Variants in MTMR7 observed in about 807,000 individuals in gnomAD.
MTMR7 encodes phosphatidylinositol-3-phosphate phosphatase MTMR7.
A neutral mutation model predicts 81.2 loss-of-function variants in MTMR7; 76 were observed. The observed-to-expected ratio is 0.94, with a 90% CI of 0.78 to 1.13. The LOEUF is 1.13. MTMR7 is among the 50% of genes most tolerant of loss of function. The pLI, the probability that MTMR7 is intolerant of heterozygous loss-of-function variation, is 0.00. For synonymous variants in MTMR7, 372 were observed against 289.8 expected (o/e 1.28, Z -2.88); for missense variants, 1,044 against 820.0 (o/e 1.27, Z -3.34).
chr8:17,375,485 T>G lies in MTMR7; in HGVS notation c.25-2245A>C, dbSNP rs200110097. ...CCCTTCACCTACTAGCTTATGTTTT[T>G]TTTTTTTTTTTACAAGAATTCTTTT... On this transcript the variant is annotated intron_variant, in intron 1 of 13. Transcript: ENST00000180173. 8.2e-5 allele frequency among the ~76,000 whole-genome samples: 12 copies of G among 146,918 alleles called. 1 individual carries two copies. The South Asian group carries it at 2.7e-3, about 33-fold the overall frequency.
chr8:17,329,266 C>T (rs980472743), intron 7 of MTMR7, among the ~76,000 whole-genome samples: 3 of 152,144 alleles, frequency 2.0e-5, no homozygotes, highest in Non-Finnish European at 2.9e-5. Context: ...ATCATCAGCT[C>T]AGCCTCCGCA....
chr8:17,410,052 C>G (rs1310550688), intron 1 of MTMR7, among the ~76,000 whole-genome samples: 6 of 152,036 alleles, frequency 3.9e-5, no homozygotes, highest in African/African-American at 1.4e-4. Context: ...GGGAAGCCAC[C>G]TAGGAAACTT....
chr8:17,385,813 G>A (rs1820920878), intron 1 of MTMR7, among the ~76,000 whole-genome samples: 1 of 152,068 alleles, frequency 6.6e-6, no homozygotes, highest in Non-Finnish European at 1.5e-5. Flanking sequence ...TGGCCTCCCG[G>A]CAGCAGATGC....
At chr8:17,387,437 G>A (rs1464100019) in intron 1 of MTMR7, among the ~76,000 whole-genome samples, 13 of 152,138 alleles carry the variant, frequency 8.5e-5, no homozygotes, top group Admixed American at 8.5e-4. Flanking sequence ...ATTCACCCCA[G>A]TAATCTTGAT....
Position 17,361,148 on chromosome 8 carries a change from C to T in MTMR7, c.437G>A (p.Trp146Ter). ...GTCTCTATTCACATCGCTGAGCTGC[C>T]AGTAATGATTAGGGAGGCCCATCCG... ...YTRMGLPNHY[W>*]QLSDVNRDYR... The change falls in exon 4 of 14, where the codon TGG becomes TAG. Residue 146 changes from tryptophan (W) to a stop codon, truncating the protein, a stop_gained. Transcript: ENST00000180173. LOFTEE classifies it high-confidence loss of function. 6.2e-7 allele frequency: 1 copy of T among 1,614,184 alleles called. No individual in the cohort carries two copies. The highest frequency in any genetic ancestry group is 8.5e-7 in the Non-Finnish European group (1 of 1,180,034).
intron 2 of MTMR7, among the ~76,000 whole-genome samples, chr8:17,372,157 G>A (rs764845317): frequency 4.6e-5 from 7 of 152,090 alleles, no homozygotes; most frequent in Admixed American, 2.0e-4. Flanking sequence ...GTCTTCAATA[G>A]CAGCATTTTA....
chr8:17,349,112 G>A, intron 4 of MTMR7, 31 bp from the exon 5 acceptor site: 4 of 1,607,278 alleles, frequency 2.5e-6, no homozygotes, highest in Admixed American at 1.7e-5. Context: ...GAGATTTTTA[G>A]GCCATCTAGT....
At chr8:17,389,336 C>A (rs1299869756) in intron 1 of MTMR7, among the ~76,000 whole-genome samples, 1 of 152,172 alleles carries the variant, frequency 6.6e-6, no homozygotes, top group East Asian at 1.9e-4. Flanking sequence ...CATGGGAACC[C>A]AAGTTATTTT....
At chr8:17,318,434 A>G (rs1818211686) in intron 7 of MTMR7, among the ~76,000 whole-genome samples, 1 of 152,136 alleles carries the variant, frequency 6.6e-6, no homozygotes, top group Admixed American at 6.5e-5. Flanking sequence ...TGAGCACCCC[A>G]AGACCCCGAT....
chr8:17,382,419 G>T (rs547858174), intron 1 of MTMR7, among the ~76,000 whole-genome samples: 1 of 152,262 alleles, frequency 6.6e-6, no homozygotes, highest in East Asian at 1.9e-4. Context: ...AGAAACCCTA[G>T]AGCACTTGGT....
chr8:17,404,634 A>G (rs1230053520), intron 1 of MTMR7, among the ~76,000 whole-genome samples: 3 of 152,174 alleles, frequency 2.0e-5, no homozygotes, highest in Admixed American at 1.3e-4. Context: ...CCTCTGCCAT[A>G]CTAGCAGACA....
chr8:17,307,642 T>A (rs1229939661), intron 10 of MTMR7, among the ~76,000 whole-genome samples: 2 of 152,136 alleles, frequency 1.3e-5, no homozygotes, highest in Non-Finnish European at 2.9e-5. Flanking sequence ...AACCTATATG[T>A]CCAACAACAA....
chr8:17,302,770 T>C (rs931371436), intron 12 of MTMR7, among the ~76,000 whole-genome samples: 2 of 125,596 alleles, frequency 1.6e-5, no homozygotes, highest in African/African-American at 6.0e-5. Context: ...CGAAGTGCAG[T>C]GGTGTGATAT....
At chr8:17,401,025 A>C (rs1585124067) in intron 1 of MTMR7, among the ~76,000 whole-genome samples, 1 of 152,082 alleles carries the variant, frequency 6.6e-6, no homozygotes, top group South Asian at 2.1e-4. Context: ...ATCCATATTC[A>C]TTCATTCAGT....
intron 9 of MTMR7, among the ~76,000 whole-genome samples, chr8:17,310,564 C>T (rs554256387): frequency 1.3e-5 from 2 of 152,264 alleles, no homozygotes; most frequent in Admixed American, 1.3e-4. Flanking sequence ...GCAAATGAAG[C>T]AATCCAGCCC....
intron 1 of MTMR7, among the ~76,000 whole-genome samples, chr8:17,410,473 T>G (rs1489590232): frequency 1.3e-5 from 2 of 152,118 alleles, no homozygotes; most frequent in Non-Finnish European, 2.9e-5. Flanking sequence ...GTTTTCAGAG[T>G]GGTAAGGAAA....
intron 1 of MTMR7, among the ~76,000 whole-genome samples, chr8:17,399,328 T>C (rs1354145247): frequency 6.6e-6 from 1 of 152,196 alleles, no homozygotes; most frequent in Non-Finnish European, 1.5e-5. Flanking sequence ...AGCGTTCATG[T>C]ATGCCAACAG....
At chr8:17,311,891 A>G (rs1817801461) in intron 8 of MTMR7, 1 of 454,322 alleles carries the variant, frequency 2.2e-6, no homozygotes, top group Non-Finnish European at 4.0e-6. Context: ...TGTACTTACT[A>G]AACATAAGCA....
chr8:17,360,858 A>ACC (rs1820037781), intron 4 of MTMR7, among the ~76,000 whole-genome samples: 1 of 152,070 alleles, frequency 6.6e-6, no homozygotes, highest in African/African-American at 2.4e-5. Context: ...AAGGCCTGCC[A>ACC]CCCGGCCTCT....
Sources: allele counts gnomAD v4.1 joint callset (sites outside exome capture counted in the v4.1 genomes callset), GRCh38; gene constraint gnomAD v4.1.1; transcripts MANE v1.5; gene names NCBI Gene and HGNC (gene_info 2026-07-23, HGNC 2026-07-21).